Variants in MCC observed in about 807,000 individuals in gnomAD.
MCC encodes the protein colorectal mutant cancer protein.
A neutral mutation model predicts 116.2 loss-of-function variants in MCC; 90 were observed. The observed-to-expected ratio is 0.77, with a 90% CI of 0.65 to 0.92. The LOEUF (loss-of-function observed/expected upper bound fraction) is 0.92. Ranked by LOEUF, MCC falls within the 40% of genes least tolerant of loss-of-function variation. The pLI is 0.00. For missense variants in MCC, 1,516 were observed against 1,312.2 expected (o/e 1.16, Z -2.40); for synonymous variants, 578 against 510.5 (o/e 1.13, Z -1.78).
intron 3 of MCC, among the ~76,000 whole-genome samples, chr5:113,241,887 T>C (rs1764381277): frequency 6.6e-6 from 1 of 152,224 alleles, no homozygotes; most frequent in Admixed American, 6.5e-5. Flanking sequence ...AAAGCCCACC[T>C]GTTGGCTAAT....
intron 3 of MCC, among the ~76,000 whole-genome samples, chr5:113,157,729 G>A (rs1760251588): frequency 6.6e-6 from 1 of 152,200 alleles, no homozygotes; most frequent in Non-Finnish European, 1.5e-5. Flanking sequence ...CCCCTTAATG[G>A]AGGGAGGTCT....
intron 3 of MCC, among the ~76,000 whole-genome samples, chr5:113,225,535 T>C (rs3846718): frequency 0.74 from 112,210 of 152,076 alleles, 41,727 homozygotes; most frequent in East Asian, 0.85. Context: ...CTCCTAGTCA[T>C]TCCCTCTGAA....
chr5:113,159,155 T>C (rs1445200327), intron 3 of MCC, among the ~76,000 whole-genome samples: 1 of 152,182 alleles, frequency 6.6e-6, no homozygotes, highest in East Asian at 1.9e-4. Context: ...TGTGCTTTTT[T>C]GTCCTCTGTA....
At chr5:113,112,752 G>A (rs146010895) in intron 6 of MCC, among the ~76,000 whole-genome samples, 1 of 152,300 alleles carries the variant, frequency 6.6e-6, no homozygotes, top group African/African-American at 2.4e-5. Context: ...GAGACTTACA[G>A]TGCTGGGCAT....
At chr5:113,368,681 A>C (rs2150388082) in intron 2 of MCC, among the ~76,000 whole-genome samples, 1 of 152,152 alleles carries the variant, frequency 6.6e-6, no homozygotes, top group East Asian at 1.9e-4. Context: ...TTCTGTGACC[A>C]AATATGTGGG....
At chr5:113,174,127 T>A (rs934250971) in intron 3 of MCC, among the ~76,000 whole-genome samples, 7 of 152,152 alleles carry the variant, frequency 4.6e-5, no homozygotes, top group Non-Finnish European at 8.8e-5. Flanking sequence ...AACACTGCTT[T>A]AAAAAGTCCT....
intron 3 of MCC, among the ~76,000 whole-genome samples, chr5:113,211,836 C>G (rs944917728): frequency 6.6e-6 from 1 of 152,176 alleles, no homozygotes; most frequent in Admixed American, 6.5e-5. Context: ...TTATTAGAAA[C>G]AAACATGAAA....
intron 1 of MCC, among the ~76,000 whole-genome samples, chr5:113,426,135 G>C (rs1297768912): frequency 6.6e-6 from 1 of 152,072 alleles, no homozygotes; most frequent in Non-Finnish European, 1.5e-5. Context: ...TTTCAGAACT[G>C]AGACACCAGG....
At chr5:113,345,390 A>C (rs945479965) in intron 2 of MCC, among the ~76,000 whole-genome samples, 1 of 152,194 alleles carries the variant, frequency 6.6e-6, no homozygotes, top group Non-Finnish European at 1.5e-5. Context: ...ACTGCTGACT[A>C]TAAAGCCCTA....
At chr5:113,433,689 G>C (rs1371092696) in intron 1 of MCC, 2 of 1,566,928 alleles carry the variant, frequency 1.3e-6, no homozygotes, top group Non-Finnish European at 1.7e-6. Flanking sequence ...TTCAGAGCTT[G>C]GGCTTTAAGC....
chr5:113,431,151 T>C lies in MCC; in HGVS notation c.171-45939A>G, dbSNP rs146752084. On this transcript the variant is annotated intron_variant, in intron 1 of 18. Coordinates refer to ENST00000408903, the MANE Select transcript of MCC (RefSeq NM_001085377.2). ...GAGGTAGTGAAAGGATTGGAGGAGT[T>C]TTCCAGTGGATTATGGGAGAGAGTT... Among the ~76,000 whole-genome samples the C allele has an allele frequency of 8.6e-5, 13 of 152,020 alleles. No homozygotes were observed. The East Asian group carries it at 1.7e-3, about 20-fold the overall frequency.
At chr5:113,441,028 G>A (rs566675004) in intron 1 of MCC, among the ~76,000 whole-genome samples, 10 of 152,240 alleles carry the variant, frequency 6.6e-5, no homozygotes, top group East Asian at 5.8e-4. Context: ...AAAGACAGAC[G>A]CAGAATTAGA....
At chr5:113,264,320 G>A (rs1223813361) in intron 3 of MCC, among the ~76,000 whole-genome samples, 1 of 152,132 alleles carries the variant, frequency 6.6e-6, no homozygotes, top group Non-Finnish European at 1.5e-5. Context: ...GATACAATGA[G>A]CAGAGGGCCT....
intron 1 of MCC, among the ~76,000 whole-genome samples, chr5:113,396,626 T>C (rs1453758823): frequency 6.6e-6 from 1 of 152,090 alleles, no homozygotes; most frequent in Non-Finnish European, 1.5e-5. Context: ...ACAAACCATA[T>C]TGTGGTCATT....
chr5:113,464,168 T>G (rs1402973641), intron 1 of MCC, among the ~76,000 whole-genome samples: 1 of 152,178 alleles, frequency 6.6e-6, no homozygotes, highest in Non-Finnish European at 1.5e-5. Context: ...CTCAGTGGGT[T>G]GAGGAGTTTA....
chr5:113,364,241 AAAAAAAAAAAAAAAAAAAACCAG>A (rs1371389869), intron 2 of MCC, among the ~76,000 whole-genome samples: 54 of 125,886 alleles, frequency 4.3e-4, no homozygotes, highest in African/African-American at 1.4e-3. Flanking sequence ...AAAAACAGAA[AAAAAAAAAAAAAAAAAAAACCAG>A]AAAAAAAAAA....
intron 1 of MCC, among the ~76,000 whole-genome samples, chr5:113,405,479 T>C (rs1384895150): frequency 1.3e-5 from 2 of 152,092 alleles, no homozygotes; most frequent in Admixed American, 6.6e-5. Flanking sequence ...GGTGGTTTGG[T>C]AGGAAAAAAC....
intron 1 of MCC, among the ~76,000 whole-genome samples, chr5:113,450,362 C>G (rs893009650): frequency 1.2e-4 from 19 of 152,196 alleles, no homozygotes; most frequent in Non-Finnish European, 1.2e-4. Flanking sequence ...ACTCCATTAG[C>G]TGCTGTGGAG....
chr5:113,475,269 T>C (rs1444584604), intron 1 of MCC, among the ~76,000 whole-genome samples: 1 of 152,262 alleles, frequency 6.6e-6, no homozygotes, highest in African/African-American at 2.4e-5. Flanking sequence ...ACAAAGCTCA[T>C]CTATCTAGAA....
Sources: gnomAD v4.1 joint callset for allele counts (sites outside exome capture counted in the v4.1 genomes callset) on GRCh38, gnomAD v4.1.1 for gene constraint, MANE v1.5 for transcripts, NCBI Gene and HGNC (gene_info 2026-07-23, HGNC 2026-07-21) for gene names.